The following LINGO2 variants were observed in gnomAD, a reference collection of about 807,000 sequenced individuals.
The protein encoded by LINGO2 is leucine-rich repeat and immunoglobulin-like domain-containing nogo receptor-interacting protein 2.
A neutral mutation model predicts 30.6 loss-of-function variants in LINGO2; 14 were observed. The observed-to-expected ratio is 0.46, with a 90% confidence interval of 0.30 to 0.72. The LOEUF (loss-of-function observed/expected upper bound fraction) is 0.72. Among genes scored for constraint, LINGO2 ranks in the 30% least tolerant of loss-of-function variants. The pLI is 0.07. For synonymous variants in LINGO2, 317 were observed against 288.5 expected, an observed-to-expected ratio of 1.10 and a Z score of -1.00; for missense variants, 729 against 751.7, an observed-to-expected ratio of 0.97 and a Z score of 0.35.
intron 3 of LINGO2, among the ~76,000 whole-genome samples, chr9:28,306,705 G>A (rs1824374163): frequency 6.6e-6 from 1 of 152,060 alleles, no homozygotes; most frequent in African/African-American, 2.4e-5. Flanking sequence ...GAAGAAAAGA[G>A]AGAAGAATCA....
At chr9:28,847,126 G>A in the LINGO2 span, among the ~76,000 whole-genome samples, 1 of 148,106 alleles carries the variant, frequency 6.8e-6, no homozygotes, top group African/African-American at 2.5e-5. Context: ...CAATCAGAGG[G>A]GTAGATGGCT....
chr9:28,911,166 T>C, the LINGO2 span, among the ~76,000 whole-genome samples: 2 of 151,984 alleles, frequency 1.3e-5, no homozygotes, highest in Non-Finnish European at 2.9e-5. Flanking sequence ...GGGTAGAATA[T>C]AAAAAGGTAA....
intron 4 of LINGO2, among the ~76,000 whole-genome samples, chr9:28,187,376 G>T (rs1216886889): frequency 6.6e-6 from 1 of 151,874 alleles, no homozygotes; most frequent in African/African-American, 2.4e-5. Flanking sequence ...TGTATTCAAA[G>T]CTACTTGAGA....
intron 1 of LINGO2, among the ~76,000 whole-genome samples, chr9:28,597,379 G>C (rs1023772049): frequency 1.3e-5 from 2 of 152,286 alleles, no homozygotes; most frequent in South Asian, 2.1e-4. Context: ...TATTAATAGA[G>C]AGGAACAGTC....
intron 1 of LINGO2, among the ~76,000 whole-genome samples, chr9:28,597,452 G>C (rs1206366743): frequency 6.6e-6 from 1 of 152,124 alleles, no homozygotes; most frequent in East Asian, 1.9e-4. Context: ...GGGGGTCTCT[G>C]CAAAAGTCAA....
chr9:29,206,379 G>C, the LINGO2 span, among the ~76,000 whole-genome samples: 6 of 152,112 alleles, frequency 3.9e-5, no homozygotes, highest in African/African-American at 1.2e-4. Context: ...ATTATGTATT[G>C]AGTGTTTATT....
At chr9:29,159,062 C>A in the LINGO2 span, among the ~76,000 whole-genome samples, 40 of 152,208 alleles carry the variant, frequency 2.6e-4, no homozygotes, top group East Asian at 1.9e-4. Context: ...GAGCTAGAGT[C>A]CCCTTCTTGG....
At chr9:28,619,510 T>G (rs1442374133) in intron 1 of LINGO2, among the ~76,000 whole-genome samples, 2 of 152,172 alleles carry the variant, frequency 1.3e-5, no homozygotes, top group East Asian at 3.8e-4. Flanking sequence ...GTAATTAATT[T>G]AGCACAATGA....
chr9:28,858,907 A>T, the LINGO2 span, among the ~76,000 whole-genome samples: 2 of 152,074 alleles, frequency 1.3e-5, no homozygotes, highest in African/African-American at 2.4e-5. Context: ...GATTACTCTG[A>T]AATTTCCCCT....
the LINGO2 span, among the ~76,000 whole-genome samples, chr9:28,930,331 C>T: frequency 6.6e-6 from 1 of 152,122 alleles, no homozygotes; most frequent in Non-Finnish European, 1.5e-5. This position sits in a 1 kb window ranked among gnomAD's most constrained non-coding sequence, Gnocchi z 4.2. Flanking sequence ...TCTGTGCTCC[C>T]ATTTCACATG....
chr9:28,306,756 G>A (rs1256937009), intron 3 of LINGO2, among the ~76,000 whole-genome samples: 1 of 152,012 alleles, frequency 6.6e-6, no homozygotes, highest in Non-Finnish European at 1.5e-5. Context: ...TATCACCACT[G>A]ATCCCACAGA....
chr9:28,818,449 A>G, the LINGO2 span, among the ~76,000 whole-genome samples: 1 of 152,134 alleles, frequency 6.6e-6, no homozygotes, highest in African/African-American at 2.4e-5. Flanking sequence ...CAATGGTACA[A>G]TCTAGGCTCA....
At chr9:28,323,938 G>T (rs1825135643) in intron 3 of LINGO2, among the ~76,000 whole-genome samples, 1 of 152,158 alleles carries the variant, frequency 6.6e-6, no homozygotes, top group Non-Finnish European at 1.5e-5. Context: ...GTAGGTTAAC[G>T]AAGCAATCCA....
intron 4 of LINGO2, among the ~76,000 whole-genome samples, chr9:28,228,147 C>T (rs975605462): frequency 6.6e-6 from 1 of 151,848 alleles, no homozygotes; most frequent in East Asian, 1.9e-4. Flanking sequence ...GAGCCAGATA[C>T]TCACCTAATG....
At chr9:28,829,685 C>T in the LINGO2 span, among the ~76,000 whole-genome samples, 1 of 152,038 alleles carries the variant, frequency 6.6e-6, no homozygotes, top group East Asian at 1.9e-4. Flanking sequence ...GTCAGGAATT[C>T]GAGACCAGCC....
intron 1 of LINGO2, among the ~76,000 whole-genome samples, chr9:28,585,724 G>A (rs757518918): frequency 5.9e-5 from 9 of 152,090 alleles, no homozygotes; most frequent in South Asian, 2.1e-4. Flanking sequence ...TAACCTCGTC[G>A]TAAGTTGAGA....
intron 1 of LINGO2, among the ~76,000 whole-genome samples, chr9:28,514,242 A>G (rs969585061): frequency 4.6e-5 from 7 of 152,174 alleles, no homozygotes; most frequent in Admixed American, 6.5e-5. Context: ...AATTAGGCCA[A>G]TGAGTAACCC....
chr9:28,351,767 A>C (rs1257927456), intron 3 of LINGO2, among the ~76,000 whole-genome samples: 3 of 152,122 alleles, frequency 2.0e-5, no homozygotes, highest in South Asian at 2.1e-4. Context: ...TACTGGCAAA[A>C]CGAATCCAGC....
chr9:28,780,667 G>A, the LINGO2 span, among the ~76,000 whole-genome samples: 1 of 152,136 alleles, frequency 6.6e-6, no homozygotes, highest in East Asian at 1.9e-4. Flanking sequence ...TTATCATTGT[G>A]TATTACTTTT....
Sources: gnomAD v4.1 joint callset for allele counts (sites outside exome capture counted in the v4.1 genomes callset) on GRCh38, gnomAD v4.1.1 for gene constraint, Gnocchi (gnomAD v3.1) non-coding constraint, MANE v1.5 for transcripts, NCBI Gene and HGNC (gene_info 2026-07-23, HGNC 2026-07-21) for gene names.